Variants in PRKD1 observed in about 807,000 individuals in gnomAD.
PRKD1 encodes protein kinase D1.
PRKD1 carries 63 observed loss-of-function variants against 95.9 expected under a neutral mutation model. The ratio of observed to expected loss-of-function variants is 0.66; its 90% CI spans 0.54 to 0.81. The LOEUF is 0.81. Ranked by LOEUF, PRKD1 falls within the 30% of genes least tolerant of loss-of-function variation. PRKD1 has a pLI of 0.00. For missense variants in PRKD1, 1,048 were observed against 1,165.3 expected (o/e 0.90, Z 1.47); for synonymous variants, 425 against 423.1 (o/e 1.00, Z -0.05).
chr14:29,644,450 C>T (rs1032827443), intron 4 of PRKD1, among the ~76,000 whole-genome samples: 1 of 152,166 alleles, frequency 6.6e-6, no homozygotes, highest in Admixed American at 6.5e-5. Flanking sequence ...CACTGTAAAA[C>T]AGATAGCTAC....
At chr14:29,728,814 A>T (rs1192868508) in intron 1 of PRKD1, among the ~76,000 whole-genome samples, 2 of 152,184 alleles carry the variant, frequency 1.3e-5, no homozygotes, top group East Asian at 3.9e-4. Flanking sequence ...TTGTTGGGTC[A>T]TATGATAAAT....
At chr14:29,599,533 C>T in intron 14 of PRKD1, 123 bp downstream of exon 14, 1 of 905,938 alleles carries the variant, frequency 1.1e-6, no homozygotes, top group Non-Finnish European at 1.6e-6. Flanking sequence ...CCACTACAAC[C>T]TTTTCTAGTG....
intron 13 of PRKD1, among the ~76,000 whole-genome samples, chr14:29,619,241 C>T (rs1408739427): frequency 6.6e-6 from 1 of 151,838 alleles, no homozygotes; most frequent in Non-Finnish European, 1.5e-5. Context: ...TATTTTGTCT[C>T]TTCAGGTTCA....
chr14:29,874,794 C>A (rs1414732422), intron 1 of PRKD1, among the ~76,000 whole-genome samples: 1 of 151,956 alleles, frequency 6.6e-6, no homozygotes, highest in Non-Finnish European at 1.5e-5. Flanking sequence ...AAATTGATCA[C>A]AGGGAGATAG....
chr14:29,867,820 C>CA (rs1238979040), intron 1 of PRKD1, among the ~76,000 whole-genome samples: 1 of 152,124 alleles, frequency 6.6e-6, no homozygotes, highest in Non-Finnish European at 1.5e-5. Context: ...ATAAATGAGC[C>CA]AACAACCCAG....
chr14:29,915,711 A>G (rs1482658989), intron 1 of PRKD1, among the ~76,000 whole-genome samples: 1 of 152,190 alleles, frequency 6.6e-6, no homozygotes, highest in African/African-American at 2.4e-5. Context: ...CAAATAAATC[A>G]ATAATACCAC....
chr14:29,794,188 T>G (rs1355379473), intron 1 of PRKD1, among the ~76,000 whole-genome samples: 1 of 152,064 alleles, frequency 6.6e-6, no homozygotes, highest in South Asian at 2.1e-4. Context: ...GTTTTTATTT[T>G]ATTCATACAA....
intron 1 of PRKD1, among the ~76,000 whole-genome samples, chr14:29,913,817 A>G (rs1164491128): frequency 2.0e-5 from 3 of 152,258 alleles, no homozygotes; most frequent in African/African-American, 4.8e-5. Flanking sequence ...AAGATGAGTT[A>G]TCTGAAGATA....
At chr14:29,889,378 G>A (rs1893856478) in intron 1 of PRKD1, among the ~76,000 whole-genome samples, 1 of 152,144 alleles carries the variant, frequency 6.6e-6, no homozygotes, top group Admixed American at 6.5e-5. Flanking sequence ...GGGACTGGTT[G>A]GACAGTAGGT....
At chr14:29,601,828 TC>T (rs1893532634) in intron 13 of PRKD1, among the ~76,000 whole-genome samples, 1 of 152,214 alleles carries the variant, frequency 6.6e-6, no homozygotes, top group Admixed American at 6.5e-5. Flanking sequence ...TACATGCCTT[TC>T]CCTGTTAGAG....
At chr14:29,770,642 T>C (rs1343875054) in intron 1 of PRKD1, among the ~76,000 whole-genome samples, 2 of 152,062 alleles carry the variant, frequency 1.3e-5, no homozygotes, top group African/African-American at 2.4e-5. Context: ...GTAGAACTTA[T>C]GAGAAGTGAA....
At chr14:29,689,846 A>G (rs1202977044) in intron 2 of PRKD1, among the ~76,000 whole-genome samples, 1 of 152,202 alleles carries the variant, frequency 6.6e-6, no homozygotes, top group East Asian at 1.9e-4. Flanking sequence ...GCTGGAAGCC[A>G]TTATCCTCAG....
intron 1 of PRKD1, among the ~76,000 whole-genome samples, chr14:29,890,000 A>G (rs1893882277): frequency 6.6e-6 from 1 of 152,262 alleles, no homozygotes; most frequent in Non-Finnish European, 1.5e-5. Context: ...GGGAGTAGAA[A>G]GGAACAGTGT....
intron 4 of PRKD1, among the ~76,000 whole-genome samples, chr14:29,661,855 T>A (rs561024882): frequency 6.6e-6 from 1 of 152,336 alleles, no homozygotes; most frequent in South Asian, 2.1e-4. Flanking sequence ...TCTGATTTGA[T>A]CATAATTTTA....
intron 1 of PRKD1, among the ~76,000 whole-genome samples, chr14:29,732,070 T>C (rs201136674): frequency 6.6e-6 from 1 of 151,760 alleles, no homozygotes; most frequent in Non-Finnish European, 1.5e-5. Flanking sequence ...ATGGGGTTTC[T>C]CCATGTTGGC....
chr14:29,721,229 T>G (rs1249535030), intron 2 of PRKD1, among the ~76,000 whole-genome samples: 1 of 152,196 alleles, frequency 6.6e-6, no homozygotes, highest in Non-Finnish European at 1.5e-5. Context: ...AAAAACTAAC[T>G]ACATGTGGAA....
chr14:29,601,536 A>G (rs4981709), intron 13 of PRKD1, among the ~76,000 whole-genome samples: 76,916 of 152,034 alleles, frequency 0.51, 22,082 homozygotes, highest in African/African-American at 0.79. Flanking sequence ...GGCAACTTCG[A>G]ATAGACCTCA....
chr14:29,827,238 A>T (rs868639856), intron 1 of PRKD1, among the ~76,000 whole-genome samples: 56 of 152,088 alleles, frequency 3.7e-4, no homozygotes, highest in South Asian at 1.9e-3. Flanking sequence ...AATTTTTTTT[A>T]AAAAAGACAG....
chr14:29,922,520 C>G (rs1895156136), intron 1 of PRKD1, among the ~76,000 whole-genome samples: 2 of 152,100 alleles, frequency 1.3e-5, no homozygotes, highest in South Asian at 4.1e-4. Context: ...AATTCCACAT[C>G]TGTAATACAT....
Sources: gnomAD v4.1 joint callset for allele counts (sites outside exome capture counted in the v4.1 genomes callset) on GRCh38, gnomAD v4.1.1 for gene constraint, MANE v1.5 for transcripts, NCBI Gene and HGNC (gene_info 2026-07-23, HGNC 2026-07-21) for gene names.